ARHGAP24: variants seen among roughly 807,000 people sequenced by gnomAD.
The protein encoded by ARHGAP24 is rho GTPase-activating protein 24.
In ARHGAP24, 50 loss-of-function variants were observed where a neutral mutation model predicts 76.4. The ratio of observed to expected loss-of-function variants is 0.65; its 90% CI spans 0.52 to 0.83. The LOEUF (loss-of-function observed/expected upper bound fraction) is 0.83, where lower values mean the gene tolerates loss of function less well. Ranked by LOEUF, ARHGAP24 falls within the 40% of genes least tolerant of loss-of-function variation. The pLI is 0.00. For synonymous variants in ARHGAP24, 345 were observed against 323.3 expected (o/e 1.07, Z -0.72); for missense variants, 930 against 914.2 (o/e 1.02, Z -0.22).
At chr4:85,718,225 T>G (rs1449636486) in intron 2 of ARHGAP24, among the ~76,000 whole-genome samples, 1 of 152,120 alleles carries the variant, frequency 6.6e-6, no homozygotes, top group African/African-American at 2.4e-5. Context: ...GATGTTAAAG[T>G]ATGTATACTC....
chr4:85,745,415 A>AATATATAT (rs1725993764), intron 3 of ARHGAP24, among the ~76,000 whole-genome samples: 5 of 65,452 alleles, frequency 7.6e-5, no homozygotes, highest in African/African-American at 1.8e-4. Flanking sequence ...TAGTATATAT[A>AATATATAT]CATATATATA....
intron 2 of ARHGAP24, among the ~76,000 whole-genome samples, chr4:85,603,806 A>G (rs1169253810): frequency 1.3e-5 from 2 of 152,194 alleles, no homozygotes; most frequent in East Asian, 3.9e-4. Flanking sequence ...GCACAAAGTC[A>G]GGTAATTAGG....
intron 2 of ARHGAP24, among the ~76,000 whole-genome samples, chr4:85,659,136 A>G (rs1722288689): frequency 6.6e-6 from 1 of 152,204 alleles, no homozygotes; most frequent in South Asian, 2.1e-4. Flanking sequence ...GCCGGGGTGC[A>G]GTTAAATATC....
intron 3 of ARHGAP24, among the ~76,000 whole-genome samples, chr4:85,728,168 G>C (rs1395843917): frequency 7.0e-6 from 1 of 142,290 alleles, no homozygotes; most frequent in Non-Finnish European, 1.5e-5. Flanking sequence ...TTTCTTAGGA[G>C]ATAGGTGAAA....
At chr4:85,956,202 G>A (rs1737891220) in intron 5 of ARHGAP24, among the ~76,000 whole-genome samples, 1 of 152,160 alleles carries the variant, frequency 6.6e-6, no homozygotes, top group African/African-American at 2.4e-5. Context: ...ATGGTAAACT[G>A]GCTACCTATT....
At chr4:85,961,803 C>T (rs1165887438) in intron 5 of ARHGAP24, among the ~76,000 whole-genome samples, 1 of 151,972 alleles carries the variant, frequency 6.6e-6, no homozygotes, top group Non-Finnish European at 1.5e-5. Flanking sequence ...CACACACACA[C>T]ATATTTAAGC....
intron 3 of ARHGAP24, among the ~76,000 whole-genome samples, chr4:85,754,273 T>A (rs1431771269): frequency 1.3e-5 from 2 of 152,238 alleles, no homozygotes; most frequent in Non-Finnish European, 2.9e-5. Context: ...TTCTTTTGTA[T>A]GGGTGAATAA....
At chr4:85,537,831 A>G (rs1725531106) in intron 1 of ARHGAP24, among the ~76,000 whole-genome samples, 2 of 152,194 alleles carry the variant, frequency 1.3e-5, no homozygotes, top group Admixed American at 1.3e-4. Flanking sequence ...AAATGTATTC[A>G]GAGAAAGCCC....
chr4:85,655,882 G>A lies in ARHGAP24; in HGVS notation c.181-66003G>A, dbSNP rs1222546810. On this transcript the variant is annotated intron_variant, in intron 2 of 9. Coordinates refer to ENST00000395184, the MANE Select transcript of ARHGAP24 (RefSeq NM_001025616.3). ...TTTGGTTAGACTGTGCCTTGAAAGA[G>A]TAAGTATACTGTACACGTGAATAAA... is the stretch of plus-strand genomic sequence containing the variant. 1.4e-5 allele frequency among the ~76,000 whole-genome samples: 2 copies of A among 148,038 alleles called. 1 individual carries two copies. The highest frequency in any genetic ancestry group is 4.0e-4 in the East Asian group (2 of 5,014).
chr4:85,575,960 A>G (rs564772946), intron 2 of ARHGAP24, among the ~76,000 whole-genome samples: 22 of 152,340 alleles, frequency 1.4e-4, no homozygotes, highest in African/African-American at 5.3e-4. Flanking sequence ...TGTGGTCTAG[A>G]CTTTCTACAA....
chr4:85,784,243 A>G (rs892588047), intron 3 of ARHGAP24, among the ~76,000 whole-genome samples: 2 of 150,868 alleles, frequency 1.3e-5, no homozygotes, highest in African/African-American at 4.9e-5. Context: ...CTGTCTTTTG[A>G]TATTAGAGAT....
At chr4:85,528,689 A>G (rs1277156096) in intron 1 of ARHGAP24, among the ~76,000 whole-genome samples, 1 of 152,094 alleles carries the variant, frequency 6.6e-6, no homozygotes, top group Non-Finnish European at 1.5e-5. Flanking sequence ...TGTTAAGTAA[A>G]GTTCAAACAG....
intron 1 of ARHGAP24, among the ~76,000 whole-genome samples, chr4:85,554,845 T>G (rs1726293087): frequency 6.6e-6 from 1 of 151,598 alleles, no homozygotes; most frequent in Non-Finnish European, 1.5e-5. Flanking sequence ...TGATTTTTTT[T>G]TTTTTTTTGT....
intron 2 of ARHGAP24, among the ~76,000 whole-genome samples, chr4:85,661,979 C>T (rs1282124883): frequency 4.6e-5 from 7 of 152,150 alleles, no homozygotes; most frequent in Non-Finnish European, 7.3e-5. Context: ...AGTAAACATA[C>T]GTGTGCATGT....
intron 3 of ARHGAP24, among the ~76,000 whole-genome samples, chr4:85,767,954 T>G (rs922825932): frequency 3.7e-4 from 56 of 152,210 alleles, no homozygotes; most frequent in East Asian, 1.5e-3. Flanking sequence ...GGAAAGGAAT[T>G]GCTCTAAACT....
chr4:85,974,080 T>C (rs1425071931), intron 6 of ARHGAP24, among the ~76,000 whole-genome samples: 2 of 150,534 alleles, frequency 1.3e-5, no homozygotes, highest in African/African-American at 4.9e-5. Context: ...ATGGTCTCGA[T>C]CTCCTGACCC....
intron 3 of ARHGAP24, among the ~76,000 whole-genome samples, chr4:85,770,635 C>T (rs1201653296): frequency 6.6e-6 from 1 of 152,156 alleles, no homozygotes; most frequent in Non-Finnish European, 1.5e-5. Context: ...TCTGAAAGAA[C>T]CTTCAGAGTA....
chr4:85,536,804 A>G (rs1326583278), intron 1 of ARHGAP24, among the ~76,000 whole-genome samples: 1 of 152,166 alleles, frequency 6.6e-6, no homozygotes, highest in Non-Finnish European at 1.5e-5. Flanking sequence ...TCATTAGGTA[A>G]GTTAGGTGAT....
chr4:85,919,697 T>C (rs1392151570), intron 3 of ARHGAP24, among the ~76,000 whole-genome samples: 1 of 152,164 alleles, frequency 6.6e-6, no homozygotes, highest in Non-Finnish European at 1.5e-5. Flanking sequence ...GTGCATATCA[T>C]TCTTTTTCCT....
Sources: allele counts gnomAD v4.1 joint callset (sites outside exome capture counted in the v4.1 genomes callset), GRCh38; gene constraint gnomAD v4.1.1; transcripts MANE v1.5; gene names NCBI Gene and HGNC (gene_info 2026-07-23, HGNC 2026-07-21).